Variants in ZCCHC7 observed in about 807,000 individuals in gnomAD.
ZCCHC7 encodes zinc finger CCHC domain-containing protein 7.
Under a neutral mutation model 52.0 loss-of-function variants are expected in ZCCHC7, and 35 were observed. The observed-to-expected ratio is 0.67, with a 90% confidence interval of 0.51 to 0.89. ZCCHC7 has a LOEUF of 0.89. Among genes scored for constraint, ZCCHC7 ranks in the 40% least tolerant of loss-of-function variants. The pLI is 0.00. For missense variants in ZCCHC7, 574 were observed against 649.1 expected (o/e 0.88, Z 1.26); for synonymous variants, 217 against 221.5 (o/e 0.98, Z 0.18).
chr9:37,264,351 C>T (rs540088534), intron 2 of ZCCHC7, among the ~76,000 whole-genome samples: 138 of 152,144 alleles, frequency 9.1e-4, no homozygotes, highest in Middle Eastern at 3.2e-3. Flanking sequence ...AAAGGTATTA[C>T]AGTGTCTGTT....
chr9:37,148,421 G>A (rs1843535645), intron 2 of ZCCHC7, among the ~76,000 whole-genome samples: 1 of 152,086 alleles, frequency 6.6e-6, no homozygotes, highest in African/African-American at 2.4e-5. Context: ...GATATATCAT[G>A]TTTAGAGGAA....
intron 2 of ZCCHC7, among the ~76,000 whole-genome samples, chr9:37,263,882 C>T (rs1185597226): frequency 2.0e-5 from 3 of 152,142 alleles, no homozygotes; most frequent in Admixed American, 6.5e-5. Flanking sequence ...AACTTCTAAA[C>T]GTAGAAAACA....
At chr9:37,288,021 G>A (rs1451208503) in intron 2 of ZCCHC7, among the ~76,000 whole-genome samples, 1 of 152,078 alleles carries the variant, frequency 6.6e-6, no homozygotes, top group South Asian at 2.1e-4. Context: ...GCTCATGCCT[G>A]TAATCCAAGC....
At chr9:37,311,503 C>T (rs1238929074) in intron 5 of ZCCHC7, among the ~76,000 whole-genome samples, 2 of 151,368 alleles carry the variant, frequency 1.3e-5, no homozygotes, top group Non-Finnish European at 3.0e-5. Flanking sequence ...ACCTCTGCCT[C>T]CCAGATTCGA....
rs758923654 is a variant in ZCCHC7 at position 37,126,938 on chromosome 9, T to C, written c.606T>C (p.Thr202=). 1 of 1,613,040 alleles carries C rather than the reference T, an allele frequency of 6.2e-7. No homozygotes were observed. Among genetic ancestry groups the C allele is most frequent in the Non-Finnish European group, 8.5e-7 (1 of 1,179,798 alleles). The change falls in exon 2 of 9, where the codon ACT becomes ACC. Residue 202 remains threonine, a synonymous_variant. Transcript: ENST00000336755. ...TTGTGGGATGTGAAAACTCTGTTAC[T>C]GAAGGTTAGTATCATATTGGCCATT... ...LNLVGCENSV[T]EGEDGINWSI...
At chr9:37,246,973 A>G (rs1826106005) in intron 2 of ZCCHC7, among the ~76,000 whole-genome samples, 1 of 152,178 alleles carries the variant, frequency 6.6e-6, no homozygotes, top group Non-Finnish European at 1.5e-5. Flanking sequence ...GCAATTTTTA[A>G]GAATACAGTG....
intron 2 of ZCCHC7, among the ~76,000 whole-genome samples, chr9:37,236,117 G>A (rs948538239): frequency 3.3e-5 from 5 of 152,014 alleles, no homozygotes; most frequent in African/African-American, 1.2e-4. Flanking sequence ...GTTTTTTGAG[G>A]AACCTCCACA....
chr9:37,219,290 A>G (rs1824689247), intron 2 of ZCCHC7, among the ~76,000 whole-genome samples: 1 of 152,228 alleles, frequency 6.6e-6, no homozygotes, highest in Non-Finnish European at 1.5e-5. Flanking sequence ...ATTGTCCATT[A>G]TGCAGCAGAG....
intron 6 of ZCCHC7, among the ~76,000 whole-genome samples, chr9:37,341,363 G>C (rs1284705343): frequency 2.6e-5 from 4 of 152,090 alleles, no homozygotes; most frequent in Admixed American, 1.3e-4. Flanking sequence ...AATCATATTG[G>C]ATGATTACTG....
intron 2 of ZCCHC7, among the ~76,000 whole-genome samples, chr9:37,200,375 A>G (rs1257565222): frequency 6.6e-6 from 1 of 152,178 alleles, no homozygotes; most frequent in East Asian, 1.9e-4. Context: ...ATTAGAGCTG[A>G]CACCAAGTTT....
At chr9:37,227,157 G>A (rs1825156265) in intron 2 of ZCCHC7, among the ~76,000 whole-genome samples, 1 of 151,638 alleles carries the variant, frequency 6.6e-6, no homozygotes, top group African/African-American at 2.4e-5. Flanking sequence ...AAAATATGTA[G>A]ACTTCAAAGG....
At chr9:37,333,735 A>G (rs1830537532) in intron 6 of ZCCHC7, 1 of 151,812 alleles carries the variant, frequency 6.6e-6, no homozygotes. Context: ...TACTGTGGTA[A>G]TTAAATTTCA....
intron 6 of ZCCHC7, among the ~76,000 whole-genome samples, chr9:37,336,624 A>AT (rs552359619): frequency 6.6e-6 from 1 of 152,122 alleles, no homozygotes; most frequent in Admixed American, 6.6e-5. Flanking sequence ...TTCTTTTATA[A>AT]TTTTTTTATT....
chr9:37,126,551 G>C lies in ZCCHC7; in HGVS notation c.219G>C (p.Lys73Asn). 1 of 1,614,076 alleles carries C rather than the reference G, an allele frequency of 6.2e-7. No homozygotes were observed. The highest frequency in any genetic ancestry group is 8.5e-7 in the Non-Finnish European group (1 of 1,180,024). Residue 73 changes from lysine (K) to asparagine (N), a missense_variant, in exon 2 of 9, where the codon AAG becomes AAC. Lys to Asn is a moderately conservative substitution (Grantham distance 94). This residue lies in a region of ZCCHC7 where 403 missense variants were observed against 461.2 expected (regional missense o/e 0.87). Transcript: ENST00000336755. ...ESSSSKPNQK[K>N]LIVLSDSEVI... ...CGAGTAGTAAACCAAATCAGAAGAAGCTAATCGTCCTTTCAGATAGTGAGG... is the reference window on the plus strand; with the variant it reads ...CGAGTAGTAAACCAAATCAGAAGAACCTAATCGTCCTTTCAGATAGTGAGG...
chr9:37,324,264 G>A (rs1207713945), intron 5 of ZCCHC7, among the ~76,000 whole-genome samples: 12 of 152,158 alleles, frequency 7.9e-5, no homozygotes. Context: ...AACTGACTTG[G>A]AGCTGAAGGA....
At chr9:37,238,616 G>A (rs1825752411) in intron 2 of ZCCHC7, among the ~76,000 whole-genome samples, 1 of 151,780 alleles carries the variant, frequency 6.6e-6, no homozygotes, top group Non-Finnish European at 1.5e-5. Context: ...GGCCTTTATT[G>A]AAGGCAAAAT....
intron 2 of ZCCHC7, among the ~76,000 whole-genome samples, chr9:37,148,075 T>C (rs1269969918): frequency 6.6e-6 from 1 of 152,134 alleles, no homozygotes; most frequent in African/African-American, 2.4e-5. Flanking sequence ...ACTTTATAGG[T>C]ATATTGTAGA....
intron 2 of ZCCHC7, among the ~76,000 whole-genome samples, chr9:37,234,875 C>T (rs936221290): frequency 2.6e-5 from 4 of 152,014 alleles, no homozygotes; most frequent in Non-Finnish European, 4.4e-5. Context: ...TCTGCTATGT[C>T]GTTTTACCTG....
chr9:37,268,002 C>T (rs1198455534), intron 2 of ZCCHC7, among the ~76,000 whole-genome samples: 2 of 152,138 alleles, frequency 1.3e-5, no homozygotes, highest in Non-Finnish European at 2.9e-5. Flanking sequence ...CCTGCATTTT[C>T]TTGAAGTTGA....
Sources: gnomAD v4.1 joint callset for allele counts (sites outside exome capture counted in the v4.1 genomes callset) on GRCh38, gnomAD v4.1.1 for gene constraint, gnomAD v4.1.1 regional missense constraint, MANE v1.5 for transcripts, NCBI Gene and HGNC (gene_info 2026-07-23, HGNC 2026-07-21) for gene names.